Variants in BRD1 observed in about 807,000 individuals in gnomAD.
BRD1 encodes bromodomain containing 1.
In BRD1, 24 loss-of-function variants were observed where a neutral mutation model predicts 107.7. The observed-to-expected ratio is 0.22, with a 90% CI of 0.16 to 0.31. The LOEUF (loss-of-function observed/expected upper bound fraction) is 0.31. Among genes scored for constraint, BRD1 ranks in the 10% least tolerant of loss-of-function variants. The pLI is 1.00. For missense variants in BRD1, 1,279 were observed against 1,638.6 expected (o/e 0.78, Z 3.79); for synonymous variants, 744 against 686.1 (o/e 1.08, Z -1.32).
chr22:49,789,915 C>T (rs771860823), intron 7 of BRD1, among the ~76,000 whole-genome samples: 3 of 152,224 alleles, frequency 2.0e-5, no homozygotes, highest in Non-Finnish European at 4.4e-5. Flanking sequence ...ACCATCTCCA[C>T]GCTGCAGGGA....
At chr22:49,786,470 C>T (rs538879983) in intron 8 of BRD1, among the ~76,000 whole-genome samples, 4 of 152,360 alleles carry the variant, frequency 2.6e-5, no homozygotes, top group African/African-American at 7.2e-5. Context: ...GTTACAAAAG[C>T]GCAGCAAGAG....
intron 10 of BRD1, 115 bp downstream of exon 10, chr22:49,776,919 G>A: frequency 2.7e-6 from 4 of 1,468,218 alleles, no homozygotes; most frequent in Admixed American, 1.8e-5. Flanking sequence ...GGCCAGGGTG[G>A]GGCTCCACAC....
In BRD1 at chr22:49,794,212, G is replaced by A; in HGVS notation, c.2181C>T (p.Leu727=). Residue 727 remains leucine (L), a synonymous_variant, in exon 7 of 13, where the codon CTC becomes CTT. Transcript: ENST00000404760. ...QLRELLDMLD[L]TCAMKSSGSR... is the part of the protein sequence containing the mutation. ...AGCCGCTGGACTTCATAGCGCAGGT[G>A]AGGTCGAGCATGTCCAGCAGCTCTC... 2 of 1,614,192 alleles carry A rather than the reference G, an allele frequency of 1.2e-6. No individual in the cohort carries two copies. The highest frequency in any genetic ancestry group is 1.7e-6 in the Non-Finnish European group (2 of 1,180,038).
chr22:49,823,895 C>T lies in BRD1; in HGVS notation c.423G>A (p.Lys141=), dbSNP rs753193657. The change falls in exon 2 of 13, where the codon AAG becomes AAA. Residue 141 remains lysine (K), a synonymous_variant. Coordinates refer to ENST00000404760, the MANE Select transcript of BRD1 (RefSeq NM_001304808.3). ...SAPRRPPVYY[K]FIEKSAEELD... ...GTTCCTCGGCCGACTTCTCGATGAA[C>T]TTGTAGTACACAGGAGGCCTCCTGG... is the stretch of plus-strand genomic sequence containing the variant. 16 of 1,614,236 alleles carry T rather than the reference C, an allele frequency of 9.9e-6. No homozygotes were observed. The South Asian group carries it at 1.2e-4, about 12-fold the overall frequency.
At position 49,776,915 on chromosome 22, in the gene BRD1, G is replaced by C. The variant is rs555720050; in HGVS notation, c.3121+119C>G. On this transcript the variant is annotated intron_variant, in intron 10 of 12. Transcript: ENST00000404760. ...AACCCTTCCCCGGGAGGTTGGCCAGGGTGGGGCTCCACACAGGGCACCATG... is the reference window on the plus strand; with the variant it reads ...AACCCTTCCCCGGGAGGTTGGCCAGCGTGGGGCTCCACACAGGGCACCATG... The C allele has an allele frequency of 1.9e-5, 27 of 1,448,188 alleles. No individual in the cohort carries two copies. In the East Asian group the frequency reaches 2.5e-4, roughly 14 times the overall value. 89.7% of individuals were successfully genotyped at this position (1,448,188 alleles called of 1,614,324 possible).
At position 49,803,141 on chromosome 22, in the gene BRD1, CTG is replaced by C. The variant is rs1172516150; in HGVS notation, c.1524+1061_1524+1062del. Among the ~76,000 whole-genome samples, 1 of 152,256 alleles carries C rather than the reference CTG, an allele frequency of 6.6e-6. No homozygotes were observed. The highest frequency in any genetic ancestry group is 2.4e-5 in the African/African-American group (1 of 41,462). ...ACCTGCCAGACCAGAGCACCAGACT[CTG>C]TAGTTCCCTGGAGCACAAGGCAGCC... On this transcript the variant is annotated intron_variant, in intron 3 of 12. Transcript: ENST00000404760. This position sits in a 1 kb window ranked among gnomAD's most constrained non-coding sequence, Gnocchi z 4.4.
At chr22:49,800,960 G>A (rs928570921) in intron 3 of BRD1, among the ~76,000 whole-genome samples, 9 of 152,228 alleles carry the variant, frequency 5.9e-5, no homozygotes, top group Admixed American at 4.6e-4. Flanking sequence ...CTGGGGTGAG[G>A]GCCCACAGTG....
At chr22:49,779,613 G>A (rs2059165046) in intron 8 of BRD1, among the ~76,000 whole-genome samples, 2 of 152,156 alleles carry the variant, frequency 1.3e-5, no homozygotes, top group South Asian at 4.1e-4. Flanking sequence ...AAAACCTACA[G>A]GAGAAGGCCT....
chr22:49,826,412 C>T (rs1243386772), intron 1 of BRD1: 2 of 258,110 alleles, frequency 7.7e-6, no homozygotes, highest in African/African-American at 2.3e-5. Flanking sequence ...CGCTTCCCCC[C>T]TGGGCCGGTT....
At chr22:49,793,307 C>T (rs1198435321) in intron 7 of BRD1, among the ~76,000 whole-genome samples, 2 of 152,220 alleles carry the variant, frequency 1.3e-5, no homozygotes, top group South Asian at 2.1e-4. Context: ...GACCATCGCT[C>T]GTAAACTCCC....
At chr22:49,816,647 T>C (rs988012817) in intron 2 of BRD1, among the ~76,000 whole-genome samples, 30 of 151,956 alleles carry the variant, frequency 2.0e-4, no homozygotes, top group African/African-American at 7.0e-4. Flanking sequence ...ACCTGTAATC[T>C]CAACACTTTG....
intron 2 of BRD1, among the ~76,000 whole-genome samples, chr22:49,813,259 G>A (rs1014078750): frequency 3.9e-5 from 6 of 152,032 alleles, no homozygotes; most frequent in Admixed American, 1.3e-4. Context: ...GTCTCGCTCT[G>A]TCGCTAGGCT....
At chr22:49,827,096 A>G (rs7286300) in intron 1 of BRD1, among the ~76,000 whole-genome samples, 6 of 151,518 alleles carry the variant, frequency 4.0e-5, no homozygotes, top group African/African-American at 1.5e-4. Context: ...CCTGTCTGTT[A>G]CATAAGGGGC....
In BRD1 at chr22:49,824,423, G is replaced by C; in HGVS notation, c.-14-92C>G. 6.6e-7 allele frequency: 1 copy of C among 1,506,620 alleles called. No individual in the cohort carries two copies. The highest frequency in any genetic ancestry group is 2.3e-5 in the East Asian group (1 of 43,256). The allele number at this position is 1,506,620 out of a possible 1,614,324, so 93.3% of individuals were successfully genotyped here. On this transcript the variant is annotated intron_variant, in intron 1 of 12. Coordinates refer to ENST00000404760, the MANE Select transcript of BRD1 (RefSeq NM_001304808.3). The surrounding 1 kb of genome is among the most constrained non-coding windows in gnomAD (Gnocchi z 5.9). ...AGCATGCTTGGACAGATCTAGCTCAGCAGCTCAAAGCCCAATCAAAGCAAA... is the reference window on the plus strand; with the variant it reads ...AGCATGCTTGGACAGATCTAGCTCACCAGCTCAAAGCCCAATCAAAGCAAA...
At chr22:49,814,464 C>T (rs2059912535) in intron 2 of BRD1, among the ~76,000 whole-genome samples, 1 of 152,224 alleles carries the variant, frequency 6.6e-6, no homozygotes, top group Admixed American at 6.5e-5. Flanking sequence ...AAGCCTGCTG[C>T]CCATCGCCAG....
chr22:49,781,984 A>G (rs1319902160), intron 8 of BRD1, among the ~76,000 whole-genome samples: 1 of 149,636 alleles, frequency 6.7e-6, no homozygotes, highest in Non-Finnish European at 1.5e-5. Context: ...GACAGACCCA[A>G]GGCCCAGGCC....
rs1166249641 is a variant in BRD1, at chr22:49,794,055, C to T, written c.2338G>A (p.Gly780Arg). Residue 780 changes from glycine to arginine, a missense_variant, in exon 7 of 13, where the codon GGG becomes AGG. Gly to Arg is a moderately radical substitution (Grantham distance 125). Coordinates refer to ENST00000404760, the MANE Select transcript of BRD1 (RefSeq NM_001304808.3). ...EGFEEDGAAL[G>R]PEAGEEGDKS... The stretch of plus-strand genomic sequence containing the variant: ...TTACCTTCCTCGCCCGCCTCCGGCC[C>T]CAGCGCAGCTCCGTCCTCTTCGAAG... 1.9e-6 allele frequency: 3 copies of T among 1,613,402 alleles called. No homozygotes were observed. In the Admixed American group the frequency reaches 5.0e-5, roughly 27 times the overall value.
chr22:49,787,897 T>C lies in BRD1; in HGVS notation c.2360-10A>G, dbSNP rs1228221966. 6.7e-7 allele frequency: 1 copy of C among 1,494,548 alleles called. No individual in the cohort carries two copies. The highest frequency in any genetic ancestry group is 2.5e-5 in the East Asian group (1 of 40,320). The allele number at this position is 1,494,548 out of a possible 1,614,324, so 92.6% of individuals were successfully genotyped here. A position where few individuals can be genotyped will look rare whatever the true frequency, so the allele number is the denominator to read the frequency against. ...GGGGGAGATTTATCTCCTGAAAAAATTATAAATAAAGTGATTTTTGAAAAC... is the reference window on the plus strand; with the variant it reads ...GGGGGAGATTTATCTCCTGAAAAAACTATAAATAAAGTGATTTTTGAAAAC... On this transcript the variant is annotated splice_polypyrimidine_tract_variant and intron_variant, in intron 7 of 12. Coordinates refer to ENST00000404760, the MANE Select transcript of BRD1 (RefSeq NM_001304808.3).
At chr22:49,775,785 C>A (rs1440619850) in intron 11 of BRD1, 40 bp from the exon 12 acceptor site, 3 of 1,581,438 alleles carry the variant, frequency 1.9e-6, no homozygotes, top group Non-Finnish European at 1.7e-6. Flanking sequence ...GTGAGGCTCA[C>A]ACCCATAAAC....
Sources: gnomAD v4.1 joint callset for allele counts (sites outside exome capture counted in the v4.1 genomes callset) on GRCh38, gnomAD v4.1.1 for gene constraint, Gnocchi (gnomAD v3.1) non-coding constraint, MANE v1.5 for transcripts, NCBI Gene and HGNC (gene_info 2026-07-23, HGNC 2026-07-21) for gene names.